The following NARS2 variants were observed in gnomAD, a reference collection of about 807,000 sequenced individuals.
NARS2 encodes asparaginyl-tRNA synthetase 2, mitochondrial, also known as asparaginyl-tRNA synthetase.
In NARS2, 60 loss-of-function variants were observed where a neutral mutation model predicts 62.9. The ratio of observed to expected loss-of-function variants is 0.95; its 90% confidence interval spans 0.77 to 1.18. The LOEUF (loss-of-function observed/expected upper bound fraction) is 1.18. Ranked by LOEUF, NARS2 falls within the 50% of genes most tolerant of loss-of-function variation. The pLI, the probability that NARS2 is intolerant of heterozygous loss-of-function variation, is 0.00. For missense variants in NARS2, 619 were observed against 576.4 expected (o/e 1.07, Z -0.76); for synonymous variants, 196 against 200.0 (o/e 0.98, Z 0.17).
At position 78,487,001 on chromosome 11, in the gene NARS2, G is replaced by A. The variant is rs1859602877; in HGVS notation, c.822+6062C>T. Among the ~76,000 whole-genome samples, 2 of 152,068 alleles carry A rather than the reference G, an allele frequency of 1.3e-5. 1 individual carries two copies. Among genetic ancestry groups the A allele is most frequent in the South Asian group, 4.2e-4 (2 of 4,814 alleles). On this transcript the variant is annotated intron_variant, in intron 7 of 13. Transcript: ENST00000281038. ...CATTATCATAATGAAGACAAAAGAA[G>A]AAAGAATTAGTAAGTTTGAAGACAG...
intron 7 of NARS2, among the ~76,000 whole-genome samples, chr11:78,492,535 C>T (rs1203633636): frequency 6.6e-6 from 1 of 152,144 alleles, no homozygotes; most frequent in Admixed American, 6.6e-5. Context: ...GTTGCCTGAC[C>T]ATGACCATCT....
intron 3 of NARS2, among the ~76,000 whole-genome samples, chr11:78,567,332 T>C (rs564185664): frequency 3.3e-4 from 51 of 152,298 alleles, no homozygotes; most frequent in African/African-American, 1.2e-3. Context: ...AAAGGATGAT[T>C]CACATTCTAG....
At chr11:78,453,295 G>C (rs1040933651) in intron 11 of NARS2, among the ~76,000 whole-genome samples, 2 of 152,100 alleles carry the variant, frequency 1.3e-5, no homozygotes, top group African/African-American at 4.8e-5. Context: ...GTTAATATGA[G>C]TTTTGATTCT....
At chr11:78,505,421 T>C (rs1860456267) in intron 6 of NARS2, among the ~76,000 whole-genome samples, 2 of 152,004 alleles carry the variant, frequency 1.3e-5, no homozygotes, top group African/African-American at 4.8e-5. Context: ...AATAGCATAG[T>C]ATTTCAAGTT....
intron 5 of NARS2, among the ~76,000 whole-genome samples, chr11:78,538,823 G>A (rs368347611): frequency 5.3e-5 from 8 of 150,964 alleles, no homozygotes; most frequent in Admixed American, 2.0e-4. Flanking sequence ...GTGAAACCCC[G>A]TCTCTACTAA....
At chr11:78,520,701 T>A (rs1361924881) in intron 6 of NARS2, among the ~76,000 whole-genome samples, 1 of 152,242 alleles carries the variant, frequency 6.6e-6, no homozygotes, top group Non-Finnish European at 1.5e-5. Context: ...TGCCATTTCA[T>A]CATCTTAGTA....
At chr11:78,464,198 C>A (rs376329340) in intron 11 of NARS2, among the ~76,000 whole-genome samples, 3 of 151,742 alleles carry the variant, frequency 2.0e-5, no homozygotes, top group Non-Finnish European at 4.4e-5. Flanking sequence ...TCATTCCTCC[C>A]GGTGGGCTCG....
intron 7 of NARS2, among the ~76,000 whole-genome samples, chr11:78,488,446 A>G (rs1859672753): frequency 6.6e-6 from 1 of 152,130 alleles, no homozygotes; most frequent in African/African-American, 2.4e-5. Flanking sequence ...GTCTCTAGAA[A>G]ATGGAAGAGG....
chr11:78,565,778 C>T (rs1384346182), intron 4 of NARS2, among the ~76,000 whole-genome samples: 1 of 152,198 alleles, frequency 6.6e-6, no homozygotes, highest in Non-Finnish European at 1.5e-5. Flanking sequence ...TCATCATTCT[C>T]AAGGCTGTAG....
intron 5 of NARS2, among the ~76,000 whole-genome samples, chr11:78,550,805 A>T (rs1047508745): frequency 6.6e-6 from 1 of 152,260 alleles, no homozygotes; most frequent in East Asian, 1.9e-4. Flanking sequence ...AGCATTTTTC[A>T]TAGTGAAACA....
intron 13 of NARS2, among the ~76,000 whole-genome samples, chr11:78,437,087 A>C (rs148326627): frequency 7.1e-4 from 108 of 152,316 alleles, no homozygotes; most frequent in Middle Eastern, 3.4e-3. Context: ...TGCATTTATG[A>C]CAGAAAACTT....
intron 13 of NARS2, among the ~76,000 whole-genome samples, chr11:78,438,913 A>G (rs573841958): frequency 6.6e-6 from 1 of 152,166 alleles, no homozygotes; most frequent in Non-Finnish European, 1.5e-5. Context: ...GATCTTAAGG[A>G]TCTGAAAACT....
At chr11:78,437,818 T>C (rs914279259) in intron 13 of NARS2, among the ~76,000 whole-genome samples, 2 of 151,328 alleles carry the variant, frequency 1.3e-5, no homozygotes, top group African/African-American at 4.9e-5. Flanking sequence ...CTACTAAAAA[T>C]AGGAAAATTA....
chr11:78,546,363 T>C (rs903154935), intron 5 of NARS2: 2 of 152,262 alleles, frequency 1.3e-5, no homozygotes, highest in Non-Finnish European at 2.9e-5. Flanking sequence ...ATTTCCACCA[T>C]GTCCTACTGA....
intron 9 of NARS2, among the ~76,000 whole-genome samples, chr11:78,476,274 C>T (rs1337329620): frequency 1.3e-5 from 2 of 152,256 alleles, no homozygotes; most frequent in African/African-American, 4.8e-5. Context: ...CACTGCCCCA[C>T]TCCTTTGTTC....
At chr11:78,568,407 A>C (rs975109011) in intron 3 of NARS2, among the ~76,000 whole-genome samples, 5 of 152,200 alleles carry the variant, frequency 3.3e-5, no homozygotes, top group African/African-American at 4.8e-5. Context: ...GCAAGTTTTA[A>C]CTGTGACACA....
At chr11:78,463,214 C>T (rs1003458300) in intron 11 of NARS2, among the ~76,000 whole-genome samples, 2 of 152,008 alleles carry the variant, frequency 1.3e-5, no homozygotes, top group African/African-American at 4.8e-5. Flanking sequence ...CAGGTGCACA[C>T]CACTACACCT....
At chr11:78,449,020 G>A (rs1437282458) in intron 11 of NARS2, among the ~76,000 whole-genome samples, 3 of 151,896 alleles carry the variant, frequency 2.0e-5, no homozygotes, top group Non-Finnish European at 4.4e-5. Flanking sequence ...AGAGTTCACT[G>A]TGCAACCACA....
intron 7 of NARS2, among the ~76,000 whole-genome samples, chr11:78,491,242 A>T (rs1175230619): frequency 6.6e-6 from 1 of 152,196 alleles, no homozygotes; most frequent in East Asian, 1.9e-4. Flanking sequence ...TTCTGCCTTT[A>T]CCAACTACAT....
Sources: allele counts gnomAD v4.1 joint callset (sites outside exome capture counted in the v4.1 genomes callset), GRCh38; gene constraint gnomAD v4.1.1; transcripts MANE v1.5; gene names NCBI Gene and HGNC (gene_info 2026-07-23, HGNC 2026-07-21).